AGMO: variants seen among roughly 807,000 people sequenced by gnomAD.
AGMO encodes glyceryl-ether monooxygenase.
AGMO carries 75 observed loss-of-function variants against 60.2 expected under a neutral mutation model. The ratio of observed to expected loss-of-function variants is 1.25; its 90% CI spans 1.03 to 1.51. The LOEUF (loss-of-function observed/expected upper bound fraction) is 1.51, where lower values mean the gene tolerates loss of function less well. Among genes scored for constraint, AGMO ranks in the 40% most tolerant of loss-of-function variants. AGMO has a pLI of 0.00. For missense variants in AGMO, 763 were observed against 525.5 expected (o/e 1.45, Z -4.42); for synonymous variants, 261 against 177.1 (o/e 1.47, Z -3.76).
intron 12 of AGMO, among the ~76,000 whole-genome samples, chr7:15,329,578 C>T (rs1467341636): frequency 2.6e-5 from 4 of 152,136 alleles, no homozygotes; most frequent in African/African-American, 9.7e-5. Context: ...AGAGGAATAA[C>T]CTAGGAACAA....
intron 12 of AGMO, among the ~76,000 whole-genome samples, chr7:15,311,448 G>T (rs561157448): frequency 2.2e-4 from 33 of 152,034 alleles, no homozygotes; most frequent in African/African-American, 8.0e-4. Flanking sequence ...AACCAAGTTA[G>T]TACAGAGAAA....
At chr7:15,463,828 G>T (rs1782207798) in intron 3 of AGMO, among the ~76,000 whole-genome samples, 1 of 152,144 alleles carries the variant, frequency 6.6e-6, no homozygotes, top group Non-Finnish European at 1.5e-5. Flanking sequence ...TTGTAGTACT[G>T]CTATGACCAT....
chr7:15,395,676 AAATT>A (rs1186516418), intron 5 of AGMO, among the ~76,000 whole-genome samples: 2 of 152,208 alleles, frequency 1.3e-5, no homozygotes, highest in Non-Finnish European at 1.5e-5. Flanking sequence ...ATGGATATAT[AAATT>A]TATTGTTATT....
intron 3 of AGMO, among the ~76,000 whole-genome samples, chr7:15,487,262 T>G (rs1562531879): frequency 6.6e-6 from 1 of 152,084 alleles, no homozygotes; most frequent in Non-Finnish European, 1.5e-5. Context: ...ATAGAATCAC[T>G]TAAAATGTAT....
intron 5 of AGMO, among the ~76,000 whole-genome samples, chr7:15,415,105 A>C (rs879250521): frequency 4.6e-5 from 7 of 152,126 alleles, no homozygotes; most frequent in African/African-American, 1.7e-4. Flanking sequence ...TATTTAAAAA[A>C]AATAGTGAAC....
chr7:15,330,232 T>C (rs1000433957), intron 12 of AGMO, among the ~76,000 whole-genome samples: 1 of 152,140 alleles, frequency 6.6e-6, no homozygotes, highest in Admixed American at 6.6e-5. Flanking sequence ...CTAGTAGTAC[T>C]AAAATAATAA....
the AGMO span, among the ~76,000 whole-genome samples, chr7:15,190,092 T>TGC: frequency 0.032 from 53 of 1,682 alleles, 21 homozygotes; most frequent in East Asian, 0.059. Context: ...TATATATATA[T>TGC]ATTTATATAT....
intron 4 of AGMO, among the ~76,000 whole-genome samples, chr7:15,425,357 T>A (rs977967835): frequency 2.0e-5 from 3 of 152,086 alleles, no homozygotes; most frequent in African/African-American, 7.2e-5. Context: ...ATATTCTCCA[T>A]ATGATAATGT....
At chr7:15,351,439 T>C (rs757885762) in intron 12 of AGMO, among the ~76,000 whole-genome samples, 12 of 152,152 alleles carry the variant, frequency 7.9e-5, no homozygotes, top group Non-Finnish European at 1.3e-4. Flanking sequence ...GTGAGGAGAA[T>C]TTGATAGCAT....
At chr7:15,531,139 CTATATATATTCTATATATATTCTA>C (rs1784322945) in intron 3 of AGMO, among the ~76,000 whole-genome samples, 1 of 56,196 alleles carries the variant, frequency 1.8e-5, no homozygotes, top group Non-Finnish European at 3.0e-5. Context: ...TGTATATATT[CTATATATATTCTATATATATTCTA>C]TATATATATT....
the AGMO span, among the ~76,000 whole-genome samples, chr7:15,165,097 G>A: frequency 2.6e-5 from 4 of 152,176 alleles, no homozygotes; most frequent in African/African-American, 9.6e-5. Flanking sequence ...CATGGATGGA[G>A]CGGGAGGCCA....
At chr7:15,517,167 T>A (rs1388182006) in intron 3 of AGMO, among the ~76,000 whole-genome samples, 1 of 152,038 alleles carries the variant, frequency 6.6e-6, no homozygotes, top group Admixed American at 6.6e-5. Context: ...TCCCCAAATA[T>A]ATAAAGTCAA....
intron 3 of AGMO, among the ~76,000 whole-genome samples, chr7:15,476,378 T>C (rs1782593755): frequency 6.6e-6 from 1 of 152,120 alleles, no homozygotes; most frequent in African/African-American, 2.4e-5. Context: ...AATTCAGTCT[T>C]TGAAGATATT....
chr7:15,362,330 A>C (rs1037040770), intron 12 of AGMO, among the ~76,000 whole-genome samples: 7 of 152,200 alleles, frequency 4.6e-5, no homozygotes, highest in Non-Finnish European at 7.3e-5. Context: ...CAGATTAAAA[A>C]AAGATTGCTA....
intron 12 of AGMO, among the ~76,000 whole-genome samples, chr7:15,238,404 AG>A (rs1272106591): frequency 1.3e-5 from 2 of 151,902 alleles, no homozygotes; most frequent in South Asian, 4.1e-4. Context: ...AATAGCTAGA[AG>A]AAAAAATTGT....
At chr7:15,284,791 A>C (rs1327548680) in intron 12 of AGMO, among the ~76,000 whole-genome samples, 2 of 152,032 alleles carry the variant, frequency 1.3e-5, no homozygotes, top group African/African-American at 4.8e-5. Flanking sequence ...AAAACCACAG[A>C]CCAATATCCC....
chr7:15,450,431 A>G (rs1193306298), intron 3 of AGMO, among the ~76,000 whole-genome samples: 1 of 152,014 alleles, frequency 6.6e-6, no homozygotes. Flanking sequence ...AAAAAAAAAA[A>G]AAGAAAAAAA....
chr7:15,317,520 G>A (rs147380456), intron 12 of AGMO, among the ~76,000 whole-genome samples: 7 of 152,168 alleles, frequency 4.6e-5, no homozygotes, highest in East Asian at 1.9e-4. Context: ...ATATCACCTC[G>A]TAATAAGAGA....
intron 12 of AGMO, among the ~76,000 whole-genome samples, chr7:15,354,327 T>TGTATACAGACGTGTGTATATAC (rs1491261219): frequency 3.1e-5 from 1 of 32,224 alleles, no homozygotes; most frequent in African/African-American, 2.2e-4. Flanking sequence ...TGTATATACG[T>TGTATACAGACGTGTGTATATAC]ACGCGTGTAT....
Sources: gnomAD v4.1 joint callset for allele counts (sites outside exome capture counted in the v4.1 genomes callset) on GRCh38, gnomAD v4.1.1 for gene constraint, MANE v1.5 for transcripts, NCBI Gene and HGNC (gene_info 2026-07-23, HGNC 2026-07-21) for gene names.